MOCS2: variants seen among roughly 807,000 people sequenced by gnomAD.
The protein encoded by MOCS2 is molybdopterin synthase catalytic subunit.
In MOCS2, 13 loss-of-function variants were observed where a neutral mutation model predicts 21.9. That is an observed-to-expected ratio of 0.59 (90% CI 0.39 to 0.94). The LOEUF (loss-of-function observed/expected upper bound fraction) is 0.94. MOCS2 is among the 40% of genes least tolerant of loss of function. The pLI, the probability that MOCS2 is intolerant of heterozygous loss-of-function variation, is 0.00. For missense variants in MOCS2, 227 were observed against 218.3 expected (o/e 1.04, Z -0.25); for synonymous variants, 92 against 80.8 (o/e 1.14, Z -0.74).
rs2112074464 is a variant in MOCS2, at chr5:53,095,762, A to G, written c.*2840T>C. 1 of 152,342 alleles carries G rather than the reference A, an allele frequency of 6.6e-6. No homozygotes were observed. The highest frequency in any genetic ancestry group is 1.9e-4 in the East Asian group (1 of 5,188). The allele number at this position is 152,342 out of a possible 1,614,324, so 9.4% of individuals were successfully genotyped here. A position where few individuals can be genotyped will look rare whatever the true frequency, so the allele number is the denominator to read the frequency against. On this transcript the variant is annotated 3_prime_UTR_variant, in exon 7 of 7. Coordinates refer to ENST00000396954, the MANE Select transcript of MOCS2 (RefSeq NM_004531.5). ...TGCTGTACAGGTTAGGAAGACCTGT[A>G]TTAAAGCAATCATTTATATCCCATA... is the stretch of plus-strand genomic sequence containing the variant.
chr5:53,098,487 G>T lies in MOCS2; in HGVS notation c.*115C>A. 2 of 880,416 alleles carry T rather than the reference G, an allele frequency of 2.3e-6. No homozygotes were observed. The highest frequency in any genetic ancestry group is 3.8e-6 in the Non-Finnish European group (2 of 524,320). 54.5% of individuals were successfully genotyped at this position (880,416 alleles called of 1,614,324 possible). ...CCTTTTTCTCCCTTTTGTCCCACTAGTATAAGAGATTGTGCTTCAGTAAAC... is the reference window on the plus strand; with the variant it reads ...CCTTTTTCTCCCTTTTGTCCCACTATTATAAGAGATTGTGCTTCAGTAAAC... On this transcript the variant is annotated 3_prime_UTR_variant, in exon 7 of 7. Coordinates refer to ENST00000396954, the MANE Select transcript of MOCS2 (RefSeq NM_004531.5).
At chr5:53,102,305 AT>A (rs34962031) in intron 3 of MOCS2, 81 bp from the exon 4 acceptor site, 1 of 1,344,596 alleles carries the variant, frequency 7.4e-7, no homozygotes, top group Admixed American at 1.9e-5. Context: ...TTCAATTTAT[AT>A]TTTTTTCTAC....
In MOCS2 at chr5:53,108,650, G is replaced by C. The variant is rs746757703; in HGVS notation, c.-169-7C>G. ...CAAAATACAATACTTCAACCTGAAA[G>C]TAAAGAAAATGCTTTTAATAACAAC... On this transcript the variant is annotated splice_region_variant and splice_polypyrimidine_tract_variant and intron_variant, in intron 1 of 6. Coordinates refer to ENST00000396954, the MANE Select transcript of MOCS2 (RefSeq NM_004531.5). 3 of 1,611,220 alleles carry C rather than the reference G, an allele frequency of 1.9e-6. No individual in the cohort carries two copies. The highest frequency in any genetic ancestry group is 2.5e-6 in the Non-Finnish European group (3 of 1,179,024).
Position 53,107,157 on chromosome 5 carries a change from G to C in MOCS2, c.18C>G (p.Ile6Met), listed in dbSNP as rs780241265. ...TCTCCAGGCTGAAGCACGAGGAGCT[G>C]ATCTCCAAGCTCGACATATTCTTGA... MSSLE[I>M]SSSCFSLETK... Residue 6 changes from isoleucine to methionine, a missense_variant, in exon 3 of 7, where the codon ATC (isoleucine) becomes ATG (methionine). Physicochemically the swap from Ile to Met is conservative, Grantham distance 10 (BLOSUM62 1). Transcript: ENST00000396954. The C allele has an allele frequency of 4.3e-6, 7 of 1,613,972 alleles. No homozygotes were observed. The highest frequency in any genetic ancestry group is 5.9e-6 in the Non-Finnish European group (7 of 1,179,980).
chr5:53,107,444 T>A (rs1482498829), intron 2 of MOCS2: 1 of 524,586 alleles, frequency 1.9e-6, no homozygotes, highest in African/African-American at 1.9e-5. Context: ...TTATTGGATG[T>A]TGTATGCCTT....
At chr5:53,102,032 T>A in intron 4 of MOCS2, 65 bp downstream of exon 4, 1 of 1,545,856 alleles carries the variant, frequency 6.5e-7, no homozygotes, top group South Asian at 1.1e-5. Flanking sequence ...ACACTGAACA[T>A]GGAAAGCACA....
Position 53,098,578 on chromosome 5 carries a change from T to G in MOCS2, c.*24A>C. 1 of 1,599,568 alleles carries G rather than the reference T, an allele frequency of 6.3e-7. No individual in the cohort carries two copies. Among genetic ancestry groups the G allele is most frequent in the Non-Finnish European group, 8.6e-7 (1 of 1,166,936 alleles). Reference sequence around the variant, plus strand: ...AATAATAGTTTAACAAAGTTAAGATTGCATGCTCTAAAAACATAAGTGATT... The same window carrying G: ...AATAATAGTTTAACAAAGTTAAGATGGCATGCTCTAAAAACATAAGTGATT... On this transcript the variant is annotated 3_prime_UTR_variant, in exon 7 of 7. Transcript: ENST00000396954.
In MOCS2 at chr5:53,101,197, C is replaced by G. The variant is rs546567843; in HGVS notation, c.377+162G>C. 2.0e-4 allele frequency: 150 copies of G among 759,938 alleles called. 2 individuals are homozygous for G. The African/African-American group carries it at 2.4e-3, about 12-fold the overall frequency. 47.1% of individuals were successfully genotyped at this position (759,938 alleles called of 1,614,324 possible). ...CCAATATCAAAACTCACTAGGCAGT[C>G]CCTAAAGGTACTAACAGCCATCCCT... On this transcript the variant is annotated intron_variant, in intron 5 of 6. Transcript: ENST00000396954.
Position 53,096,898 on chromosome 5 carries a change from T to A in MOCS2, c.*1704A>T, listed in dbSNP as rs1740751967. ...ATATCTAAGTAGGAAAGTCTTGAAA[T>A]CCACATATACCTATCAACATTGCAT... On this transcript the variant is annotated 3_prime_UTR_variant, in exon 7 of 7. Transcript: ENST00000396954. 1 of 152,210 alleles carries A rather than the reference T, an allele frequency of 6.6e-6. No individual in the cohort carries two copies. The highest frequency in any genetic ancestry group is 6.5e-5 in the Admixed American group (1 of 15,288). 9.4% of individuals were successfully genotyped at this position (152,210 alleles called of 1,614,324 possible).
At position 53,103,997 on chromosome 5, in the gene MOCS2, G is replaced by A. The variant is rs527384259; in HGVS notation, c.99-1773C>T. Among the ~76,000 whole-genome samples, 5 of 152,282 alleles carry A rather than the reference G, an allele frequency of 3.3e-5. No homozygotes were observed. In the East Asian group the frequency reaches 9.7e-4, roughly 29 times the overall value. On this transcript the variant is annotated intron_variant, in intron 3 of 6. Transcript: ENST00000396954. ...TGGACAGGTAGGTAGAATCTTGCAG[G>A]CAATGAGGAATATAATTATTAATCC...
intron 3 of MOCS2, 101 bp from the exon 4 acceptor site, chr5:53,102,325 G>T: frequency 1.7e-6 from 2 of 1,164,306 alleles, no homozygotes; most frequent in South Asian, 1.4e-5. Flanking sequence ...ACATTATGTC[G>T]ATGTAAAAGG....
rs1740806188 is a variant in MOCS2 at position 53,098,290 on chromosome 5, C to G, written c.*312G>C. On this transcript the variant is annotated 3_prime_UTR_variant, in exon 7 of 7. Transcript: ENST00000396954. ...AGCTAGTTAAAGTCACTGAGGAGGGCCCATACCTCAATGTGTGTTGAGTTA... is the reference window on the plus strand; with the variant it reads ...AGCTAGTTAAAGTCACTGAGGAGGGGCCATACCTCAATGTGTGTTGAGTTA... 5.5e-6 allele frequency: 2 copies of G among 363,968 alleles called. No individual in the cohort carries two copies. Among genetic ancestry groups the G allele is most frequent in the African/African-American group, 4.2e-5 (2 of 48,158 alleles). The allele number at this position is 363,968 out of a possible 1,614,324, so 22.5% of individuals were successfully genotyped here.
In MOCS2 at chr5:53,109,457, C is replaced by A. The variant is rs1741143958; in HGVS notation, c.-376G>T. 1.2e-5 allele frequency: 15 copies of A among 1,283,006 alleles called. No homozygotes were observed. Among genetic ancestry groups the A allele is most frequent in the Middle Eastern group, 6.0e-4 (2 of 3,338 alleles). The allele number at this position is 1,283,006 out of a possible 1,614,324, so 79.5% of individuals were successfully genotyped here. On this transcript the variant is annotated 5_prime_UTR_variant, in exon 1 of 7. Transcript: ENST00000396954. ...GGTGGAGGCGCCTTCAGAACGAGTC[C>A]GTCCTTGCTGCCGTGAGCTGACAAG... is the stretch of plus-strand genomic sequence containing the variant.
intron 2 of MOCS2, among the ~76,000 whole-genome samples, chr5:53,108,288 G>A (rs1397710411): frequency 1.3e-5 from 2 of 152,146 alleles, no homozygotes; most frequent in African/African-American, 2.4e-5. Context: ...AATTATCAAA[G>A]AGAATATAAT....
Position 53,109,746 on chromosome 5 carries a change from G to T in MOCS2, c.-665C>A. ...CGGCACCATCCCGCCTAGGACAGCG[G>T]GACCGAATCACGGCCGCAAAGGCGC... is the stretch of plus-strand genomic sequence containing the variant. On this transcript the variant is annotated 5_prime_UTR_variant, in exon 1 of 7. Coordinates refer to ENST00000396954, the MANE Select transcript of MOCS2 (RefSeq NM_004531.5). The T allele has an allele frequency of 6.5e-7, 1 of 1,548,962 alleles. No individual in the cohort carries two copies.
chr5:53,100,636 G>C, intron 5 of MOCS2, 102 bp from the exon 6 acceptor site: 1 of 1,202,206 alleles, frequency 8.3e-7, no homozygotes, highest in South Asian at 1.3e-5. Flanking sequence ...TGCAGTCTTA[G>C]AATTATACTG....
intron 3 of MOCS2, among the ~76,000 whole-genome samples, chr5:53,106,806 T>C (rs1741062361): frequency 6.6e-6 from 1 of 152,220 alleles, no homozygotes; most frequent in Admixed American, 6.5e-5. Context: ...TATGTCACTG[T>C]GCCTGACACA....
intron 3 of MOCS2, among the ~76,000 whole-genome samples, chr5:53,105,705 A>G (rs1032773552): frequency 6.6e-6 from 1 of 152,248 alleles, no homozygotes; most frequent in Non-Finnish European, 1.5e-5. Flanking sequence ...AAGCAATTGC[A>G]GCAAAAGCAA....
chr5:53,101,604 T>C (rs1397449388), intron 4 of MOCS2, 95 bp from the exon 5 acceptor site: 5 of 938,952 alleles, frequency 5.3e-6, no homozygotes, highest in South Asian at 4.5e-5. Context: ...ATATTTTTAA[T>C]AGTAAATTAA....
Sources: gnomAD v4.1 joint callset for allele counts (sites outside exome capture counted in the v4.1 genomes callset) on GRCh38, gnomAD v4.1.1 for gene constraint, MANE v1.5 for transcripts, NCBI Gene and HGNC (gene_info 2026-07-23, HGNC 2026-07-21) for gene names.